Variants in C8orf34 observed in about 807,000 individuals in gnomAD.
The protein encoded by C8orf34 is uncharacterized protein C8orf34.
Under a neutral mutation model 68.3 loss-of-function variants are expected in C8orf34, and 65 were observed. The observed-to-expected ratio is 0.95, with a 90% CI of 0.78 to 1.17. C8orf34 has a LOEUF of 1.17. Among genes scored for constraint, C8orf34 ranks in the 50% most tolerant of loss-of-function variants. The pLI is 0.00. For missense variants in C8orf34, 664 were observed against 655.4 expected (o/e 1.01, Z -0.14); for synonymous variants, 244 against 241.2 (o/e 1.01, Z -0.11).
intron 1 of C8orf34, among the ~76,000 whole-genome samples, chr8:68,333,291 G>A (rs1324714392): frequency 2.0e-5 from 3 of 151,938 alleles, no homozygotes; most frequent in African/African-American, 7.3e-5. Flanking sequence ...AAAGCTTTAG[G>A]TCCCCTCACC....
At chr8:68,649,143 A>C (rs1819268574) in intron 8 of C8orf34, among the ~76,000 whole-genome samples, 1 of 152,166 alleles carries the variant, frequency 6.6e-6, no homozygotes, top group South Asian at 2.1e-4. Context: ...ACTTGTTTAA[A>C]TTTTGAAGTT....
chr8:68,346,659 T>A (rs917307386), intron 1 of C8orf34, among the ~76,000 whole-genome samples: 3 of 152,164 alleles, frequency 2.0e-5, no homozygotes, highest in African/African-American at 4.8e-5. Flanking sequence ...TCCATATTTT[T>A]GCCTTTTCTC....
Position 68,610,861 on chromosome 8 carries a change from G to GTTTTTTTTTT in C8orf34, c.1106-29504_1106-29495dup, listed in dbSNP as rs60113883. 1.7e-3 allele frequency among the ~76,000 whole-genome samples: 204 copies of GTTTTTTTTTT among 120,398 alleles called. 4 individuals carry two copies. Among genetic ancestry groups the GTTTTTTTTTT allele is most frequent in the African/African-American group, 6.7e-3 (193 of 28,820 alleles). The allele number at this position is 120,398 out of a possible 152,430, so 79.0% of individuals were successfully genotyped here. ...GTTTTCTGGTTACAGTGAATCTTTG[G>GTTTTTTTTTT]TTTTTTTTTTTTTTTTTTTTGAGAC... On this transcript the variant is annotated intron_variant, in intron 7 of 13. Coordinates refer to ENST00000518698, the MANE Select transcript of C8orf34 (RefSeq NM_052958.4).
rs1391988393 is a variant in C8orf34, at chr8:68,331,075, C to T, written c.63C>T (p.Leu21=). 15 of 1,447,178 alleles carry T rather than the reference C, an allele frequency of 1.0e-5. No individual in the cohort carries two copies. Among genetic ancestry groups the T allele is most frequent in the South Asian group, 2.6e-5 (2 of 75,786 alleles). 89.6% of individuals were successfully genotyped at this position (1,447,178 alleles called of 1,614,324 possible). A position where few individuals can be genotyped will look rare whatever the true frequency, so the allele number is the denominator to read the frequency against. ...ELAALRPGFR[L]SAPHARVAPR... is the part of the protein sequence containing the mutation. ...CGGCGCTGCGCCCAGGCTTCCGGCT[C>T]TCAGCGCCCCACGCGCGCGTGGCTC... The change falls in exon 1 of 14, where the codon CTC becomes CTT. Residue 21 remains leucine, a synonymous_variant. Transcript: ENST00000518698.
At chr8:68,340,783 C>T (rs1370220334) in intron 1 of C8orf34, among the ~76,000 whole-genome samples, 1 of 152,148 alleles carries the variant, frequency 6.6e-6, no homozygotes, top group Non-Finnish European at 1.5e-5. Context: ...GGAAATACTT[C>T]CCAGTTTATT....
chr8:68,696,413 T>A (rs2130921662), intron 8 of C8orf34, among the ~76,000 whole-genome samples: 1 of 150,070 alleles, frequency 6.7e-6, no homozygotes, highest in Admixed American at 6.6e-5. Context: ...ACATAGTCCC[T>A]ATTTTTTATT....
intron 7 of C8orf34, among the ~76,000 whole-genome samples, chr8:68,622,803 T>C (rs1023696725): frequency 5.9e-5 from 9 of 152,070 alleles, no homozygotes; most frequent in African/African-American, 1.4e-4. Flanking sequence ...GGAACAAAAA[T>C]TGGTGAAAGA....
At chr8:68,508,460 A>G (rs960401654) in intron 5 of C8orf34, among the ~76,000 whole-genome samples, 3 of 152,208 alleles carry the variant, frequency 2.0e-5, no homozygotes, top group African/African-American at 7.2e-5. Context: ...TACTTCTAGG[A>G]TAAATTTCTA....
chr8:68,574,896 G>C (rs1445975312), intron 7 of C8orf34, among the ~76,000 whole-genome samples: 2 of 151,776 alleles, frequency 1.3e-5, no homozygotes, highest in Admixed American at 6.6e-5. Flanking sequence ...TTAAAAAAAA[G>C]CAAATAGGGA....
chr8:68,661,557 T>C (rs1360612205), intron 8 of C8orf34, among the ~76,000 whole-genome samples: 1 of 152,218 alleles, frequency 6.6e-6, no homozygotes, highest in Non-Finnish European at 1.5e-5. Flanking sequence ...AGAGGAGTCC[T>C]AAAAGCAGGC....
At chr8:68,436,624 G>A (rs1177912721) in intron 1 of C8orf34, among the ~76,000 whole-genome samples, 3 of 152,138 alleles carry the variant, frequency 2.0e-5, no homozygotes. Context: ...AATTGAAGGT[G>A]AGGCTCTTCT....
intron 5 of C8orf34, among the ~76,000 whole-genome samples, chr8:68,509,753 G>A (rs1414389696): frequency 1.3e-5 from 2 of 152,124 alleles, no homozygotes; most frequent in African/African-American, 4.8e-5. Flanking sequence ...AGATACCTGG[G>A]GTAAGTGAGG....
intron 1 of C8orf34, among the ~76,000 whole-genome samples, chr8:68,383,414 G>T (rs1362779887): frequency 6.6e-6 from 1 of 152,098 alleles, no homozygotes; most frequent in Non-Finnish European, 1.5e-5. Context: ...GGTCTGTCTT[G>T]CTTGTTCAGA....
At chr8:68,542,770 G>A (rs1270785487) in intron 7 of C8orf34, among the ~76,000 whole-genome samples, 5 of 151,842 alleles carry the variant, frequency 3.3e-5, no homozygotes, top group African/African-American at 7.3e-5. Flanking sequence ...AAGAACATAC[G>A]TTTTTTAAAA....
intron 10 of C8orf34, among the ~76,000 whole-genome samples, chr8:68,746,755 C>A (rs1822511030): frequency 6.8e-6 from 1 of 147,998 alleles, no homozygotes; most frequent in Non-Finnish European, 1.5e-5. Flanking sequence ...GCTTACCAAC[C>A]AAAAAGAGTC....
chr8:68,643,449 G>GA (rs952009082), intron 8 of C8orf34, among the ~76,000 whole-genome samples: 35 of 152,138 alleles, frequency 2.3e-4, no homozygotes, highest in African/African-American at 8.0e-4. Flanking sequence ...GTCTATTTGG[G>GA]ATGCTATAAA....
At chr8:68,548,104 T>G (rs886105016) in intron 7 of C8orf34, among the ~76,000 whole-genome samples, 2 of 151,686 alleles carry the variant, frequency 1.3e-5, no homozygotes, top group African/African-American at 4.8e-5. Flanking sequence ...AGAGAAAATG[T>G]ATAATATATT....
intron 10 of C8orf34, among the ~76,000 whole-genome samples, chr8:68,755,904 C>CAA (rs11295724): frequency 1.8e-4 from 26 of 142,258 alleles, no homozygotes; most frequent in African/African-American, 6.4e-4. Flanking sequence ...ACTAAAAATA[C>CAA]AAAAAAAAAA....
At chr8:68,435,520 T>C (rs947189074) in intron 1 of C8orf34, among the ~76,000 whole-genome samples, 14 of 152,196 alleles carry the variant, frequency 9.2e-5, no homozygotes, top group African/African-American at 3.4e-4. Context: ...TTCGGTGTCT[T>C]TGTGGAACCC....
Sources: allele counts gnomAD v4.1 joint callset (sites outside exome capture counted in the v4.1 genomes callset), GRCh38; gene constraint gnomAD v4.1.1; transcripts MANE v1.5; gene names NCBI Gene and HGNC (gene_info 2026-07-23, HGNC 2026-07-21).